The following PRKRA variants were observed in gnomAD, a reference collection of about 807,000 sequenced individuals.
PRKRA encodes the protein protein activator of interferon induced protein kinase EIF2AK2, also known as interferon-inducible double-stranded RNA-dependent protein kinase activator A.
In PRKRA, 22 loss-of-function variants were observed where a neutral mutation model predicts 32.4. The ratio of observed to expected loss-of-function variants is 0.68; its 90% CI spans 0.49 to 0.97. The LOEUF (loss-of-function observed/expected upper bound fraction) is 0.97. Ranked by LOEUF, PRKRA falls within the 50% of genes least tolerant of loss-of-function variation. PRKRA has a pLI of 0.00. For synonymous variants in PRKRA, 139 were observed against 129.8 expected (o/e 1.07, Z -0.48); for missense variants, 319 against 375.6 (o/e 0.85, Z 1.25).
intron 5 of PRKRA, among the ~76,000 whole-genome samples, chr2:178,442,820 TAAGA>T (rs1479473471): frequency 3.3e-5 from 5 of 152,332 alleles, no homozygotes; most frequent in African/African-American, 1.2e-4. Flanking sequence ...TTGCTATAAT[TAAGA>T]AAGATAATTT....
chr2:178,450,548 A>C, intron 1 of PRKRA, 137 bp from the exon 2 acceptor site: 2 of 1,548,774 alleles, frequency 1.3e-6, no homozygotes, highest in Non-Finnish European at 1.7e-6. Context: ...AGAGCTGGCG[A>C]GGCTGGGGCG....
chr2:178,449,509 A>G (rs1301645789), intron 2 of PRKRA, among the ~76,000 whole-genome samples: 3 of 152,238 alleles, frequency 2.0e-5, no homozygotes, highest in Admixed American at 6.5e-5. Flanking sequence ...TTAAATAGAT[A>G]CATAAGAAAA....
intron 3 of PRKRA, among the ~76,000 whole-genome samples, chr2:178,447,002 A>AG (rs1279598420): frequency 6.1e-5 from 9 of 148,024 alleles, no homozygotes; most frequent in African/African-American, 2.3e-4. Context: ...CAAAAAAAAA[A>AG]AAAAAAAAAA....
intron 2 of PRKRA, among the ~76,000 whole-genome samples, chr2:178,448,896 A>G (rs1190913144): frequency 6.6e-6 from 1 of 152,210 alleles, no homozygotes; most frequent in African/African-American, 2.4e-5. Context: ...TAGAAAGGGA[A>G]TGCAAGAAGA....
At chr2:178,450,690 C>A (rs956564850) in intron 1 of PRKRA, 226 of 1,413,010 alleles carry the variant, frequency 1.6e-4, no homozygotes, top group Middle Eastern at 2.6e-4. Flanking sequence ...AGCGCCGCAG[C>A]CTCTCAGGGA....
Position 178,451,106 on chromosome 2 carries a change from C to T in PRKRA, c.-76G>A. ...TGCTCGCTCCCCGGGTCGCTGGTCC[C>T]CGGGAGGAGCTCCAGCGCCGCCACC... On this transcript the variant is annotated 5_prime_UTR_variant, in exon 1 of 8. Coordinates refer to ENST00000325748, the MANE Select transcript of PRKRA (RefSeq NM_003690.5). 2.7e-6 allele frequency: 4 copies of T among 1,482,850 alleles called. No homozygotes were observed. Among genetic ancestry groups the T allele is most frequent in the Non-Finnish European group, 1.8e-6 (2 of 1,110,686 alleles). The allele number at this position is 1,482,850 out of a possible 1,614,324, so 91.9% of individuals were successfully genotyped here.
At chr2:178,438,727 G>A (rs1697002129) in intron 6 of PRKRA, 1 of 151,340 alleles carries the variant, frequency 6.6e-6, no homozygotes, top group Admixed American at 6.6e-5. Flanking sequence ...GCCTAGGCTG[G>A]AGTGCAGTGG....
At chr2:178,448,564 C>G (rs934928468) in intron 2 of PRKRA, among the ~76,000 whole-genome samples, 1 of 151,994 alleles carries the variant, frequency 6.6e-6, no homozygotes, top group African/African-American at 2.4e-5. Context: ...TGCACTCTAG[C>G]CTGGGTGACA....
chr2:178,446,272 C>T (rs1697310310), intron 3 of PRKRA, among the ~76,000 whole-genome samples: 1 of 152,222 alleles, frequency 6.6e-6, no homozygotes, highest in Admixed American at 6.5e-5. Context: ...ACCTCAGCCT[C>T]CCAAAGTGCT....
chr2:178,438,403 T>C (rs1055678023), intron 6 of PRKRA, among the ~76,000 whole-genome samples: 2 of 152,196 alleles, frequency 1.3e-5, no homozygotes, highest in Non-Finnish European at 2.9e-5. Flanking sequence ...GAATAATCCA[T>C]CCTCTCACCC....
At chr2:178,432,396 T>A in intron 7 of PRKRA, 142 bp from the exon 8 acceptor site, 1 of 1,139,762 alleles carries the variant, frequency 8.8e-7, no homozygotes, top group South Asian at 1.3e-5. Flanking sequence ...TTTGTTTTGC[T>A]TGTACAAACA....
At position 178,441,609 on chromosome 2, in the gene PRKRA, C is replaced by G; in HGVS notation, c.609+1G>C. On this transcript the variant is annotated splice_donor_variant, in intron 6 of 7. Coordinates refer to ENST00000325748, the MANE Select transcript of PRKRA (RefSeq NM_003690.5). LOFTEE classifies it high-confidence loss of function. ...ACATCATAGCTGTCAACATTACTCACTAAAGAAATGTGGTTCTCTGGAGAA... is the reference window on the plus strand; with the variant it reads ...ACATCATAGCTGTCAACATTACTCAGTAAAGAAATGTGGTTCTCTGGAGAA... 1 of 743,820 alleles carries G rather than the reference C, an allele frequency of 1.3e-6. No individual in the cohort carries two copies. The highest frequency in any genetic ancestry group is 2.0e-6 in the Non-Finnish European group (1 of 510,250). 46.1% of individuals were successfully genotyped at this position (743,820 alleles called of 1,614,324 possible). A position where few individuals can be genotyped will look rare whatever the true frequency, so the allele number is the denominator to read the frequency against.
Position 178,432,386 on chromosome 2 carries a change from T to C in PRKRA, c.785-132A>G, listed in dbSNP as rs1180646724. 8 of 1,220,828 alleles carry C rather than the reference T, an allele frequency of 6.6e-6. No homozygotes were observed. The African/African-American group carries it at 1.1e-4, about 16-fold the overall frequency. The allele number at this position is 1,220,828 out of a possible 1,614,324, so 75.6% of individuals were successfully genotyped here. A position where few individuals can be genotyped will look rare whatever the true frequency, so the allele number is the denominator to read the frequency against. Reference sequence around the variant, plus strand: ...ATGGTATACTACACCACTCGCAATCTTTGTTTTGCTTGTACAAACAAAAAA... The same window carrying C: ...ATGGTATACTACACCACTCGCAATCCTTGTTTTGCTTGTACAAACAAAAAA... On this transcript the variant is annotated intron_variant, in intron 7 of 7. Transcript: ENST00000325748.
At chr2:178,450,088 T>A in intron 2 of PRKRA, 154 bp downstream of exon 2, 1 of 963,534 alleles carries the variant, frequency 1.0e-6, no homozygotes, top group South Asian at 1.3e-5. Context: ...CAGATGCAGC[T>A]GAAAAGCCCT....
At chr2:178,433,912 A>C (rs180946460) in intron 7 of PRKRA, 3 of 152,352 alleles carry the variant, frequency 2.0e-5, no homozygotes, top group Non-Finnish European at 4.4e-5. Flanking sequence ...TTTAGTTCTC[A>C]AAACTGGGAA....
chr2:178,441,577 G>T, intron 6 of PRKRA, 33 bp downstream of exon 6: 1 of 730,544 alleles, frequency 1.4e-6, no homozygotes, highest in Non-Finnish European at 2.0e-6. Flanking sequence ...AATGCTTAAT[G>T]ACATTAACAT....
rs1219673491 is a variant in PRKRA, at chr2:178,431,595, C to T, written c.*502G>A. ...TAAAATGAGCAGAATCCCATCGTAA[C>T]AGTTCTTTGTTACATGAATTCAAAT... On this transcript the variant is annotated 3_prime_UTR_variant, in exon 8 of 8. Coordinates refer to ENST00000325748, the MANE Select transcript of PRKRA (RefSeq NM_003690.5). 1 of 166,572 alleles carries T rather than the reference C, an allele frequency of 6.0e-6. No homozygotes were observed. Among genetic ancestry groups the T allele is most frequent in the Non-Finnish European group, 1.3e-5 (1 of 75,460 alleles). 10.3% of individuals were successfully genotyped at this position (166,572 alleles called of 1,614,324 possible).
intron 5 of PRKRA, 49 bp from the exon 6 acceptor site, chr2:178,441,753 A>G: frequency 8.9e-7 from 1 of 1,118,648 alleles, no homozygotes; most frequent in Non-Finnish European, 1.2e-6. Flanking sequence ...ATTAGTGTCC[A>G]CAGAGGATGA....
chr2:178,446,768 C>A (rs372701379), intron 3 of PRKRA, among the ~76,000 whole-genome samples: 2 of 152,004 alleles, frequency 1.3e-5, no homozygotes, highest in Non-Finnish European at 2.9e-5. Flanking sequence ...CCGAGGCTGG[C>A]GGATCACGAG....
Sources: allele counts gnomAD v4.1 joint callset (sites outside exome capture counted in the v4.1 genomes callset), GRCh38; gene constraint gnomAD v4.1.1; transcripts MANE v1.5; gene names NCBI Gene and HGNC (gene_info 2026-07-23, HGNC 2026-07-21).